The following NOTCH2 variants were observed in gnomAD, a reference collection of about 807,000 sequenced individuals.
The protein encoded by NOTCH2 is notch receptor 2.
NOTCH2 carries 29 observed loss-of-function variants against 235.8 expected under a neutral mutation model. The ratio of observed to expected loss-of-function variants is 0.12; its 90% CI spans 0.09 to 0.17. NOTCH2 has a LOEUF of 0.17. Among genes scored for constraint, NOTCH2 ranks in the 10% least tolerant of loss-of-function variants. The pLI is 1.00. For missense variants in NOTCH2, 2,285 were observed against 3,150.2 expected, an observed-to-expected ratio of 0.73 and a Z score of 6.57; for synonymous variants, 1,086 against 1,141.5, an observed-to-expected ratio of 0.95 and a Z score of 0.98.
At chr1:120,042,509 A>G (rs1654617575) in intron 1 of NOTCH2, among the ~76,000 whole-genome samples, 1 of 129,258 alleles carries the variant, frequency 7.7e-6, no homozygotes, top group Admixed American at 7.3e-5. Flanking sequence ...TGTCCTTCCC[A>G]TCATCACCTC....
chr1:119,975,375 T>C lies in NOTCH2; in HGVS notation c.875-5631A>G, dbSNP rs587661550. ...GATTATGGGCACAGTCAGCCAGGCG[T>C]GGTGGCTCACGCCTATAATTCCAGC... On this transcript the variant is annotated intron_variant, in intron 5 of 33. Transcript: ENST00000256646. Among the ~76,000 whole-genome samples, 41 of 152,260 alleles carry C rather than the reference T, an allele frequency of 2.7e-4. 2 individuals are homozygous for C. The East Asian group carries it at 7.9e-3, about 29-fold the overall frequency.
At chr1:120,025,750 G>A (rs1653814806) in intron 2 of NOTCH2, among the ~76,000 whole-genome samples, 1 of 93,212 alleles carries the variant, frequency 1.1e-5, no homozygotes, top group East Asian at 2.7e-4. Flanking sequence ...TACAATAAAT[G>A]TCCTTAAAAT....
chr1:119,968,921 C>G (rs1553200029), intron 6 of NOTCH2, among the ~76,000 whole-genome samples: 4 of 152,238 alleles, frequency 2.6e-5, no homozygotes, highest in Non-Finnish European at 5.9e-5. Context: ...CATTTCAAAA[C>G]TGCTGGGCAG....
rs1233590749 is a variant in NOTCH2, at chr1:119,922,297, G to A, written c.5152C>T (p.Arg1718Cys). Residue 1718 changes from arginine (R) to cysteine (C), a missense_variant, in exon 28 of 34, where the codon CGC (arginine) becomes TGC (cysteine). Around this residue, in one of 6 missense-constraint regions of NOTCH2, gnomAD observed 1,173 missense variants for 1,515.3 expected, o/e 0.77. Transcript: ENST00000256646. ...SLWLPEGFTL[R>C]RDASNHKRRE... ...CGCTTGTGATTGCTTGCATCTCGGC[G>A]AAGAGTGAAACCTTCAGGCAGCCAG... 3 of 1,614,036 alleles carry A rather than the reference G, an allele frequency of 1.9e-6. No homozygotes were observed. Among genetic ancestry groups the A allele is most frequent in the African/African-American group, 1.3e-5 (1 of 74,894 alleles).
chr1:119,952,773 T>G (rs1650531854), intron 14 of NOTCH2, among the ~76,000 whole-genome samples: 1 of 152,212 alleles, frequency 6.6e-6, no homozygotes, highest in Non-Finnish European at 1.5e-5. Flanking sequence ...GGACCTCCGG[T>G]GTAGACCAAA....
intron 5 of NOTCH2, among the ~76,000 whole-genome samples, chr1:119,973,622 G>A (rs1266614411): frequency 6.6e-6 from 1 of 152,062 alleles, no homozygotes; most frequent in Non-Finnish European, 1.5e-5. Context: ...TGATCCCAGG[G>A]TCTTACAGCA....
chr1:119,981,359 T>C (rs1423469868), intron 5 of NOTCH2, among the ~76,000 whole-genome samples: 3 of 152,224 alleles, frequency 2.0e-5, no homozygotes, highest in African/African-American at 7.2e-5. Flanking sequence ...GTCTTCCTAG[T>C]CAATTTTACC....
chr1:120,069,294 C>T (rs1294736060), intron 1 of NOTCH2, 40 bp downstream of exon 1: 2 of 1,535,376 alleles, frequency 1.3e-6, no homozygotes, highest in Non-Finnish European at 1.7e-6. Context: ...AGGTGGCAGC[C>T]CCGGGCGCCG....
At position 119,912,783 on chromosome 1, in the gene NOTCH2, C is replaced by G. The variant is rs587636027; in HGVS notation, c.*2523G>C. ...TCTTACCTTCCCTTTTATTAGATAC[C>G]ACACAATTCAAGAGTTCTTAAAATC... On this transcript the variant is annotated 3_prime_UTR_variant, in exon 34 of 34. Transcript: ENST00000256646. 7.3e-5 allele frequency: 17 copies of G among 233,490 alleles called. No individual in the cohort carries two copies. In the Admixed American group the frequency reaches 7.3e-4, roughly 10 times the overall value. 14.5% of individuals were successfully genotyped at this position (233,490 alleles called of 1,614,324 possible). A position where few individuals can be genotyped will look rare whatever the true frequency, so the allele number is the denominator to read the frequency against.
intron 10 of NOTCH2, among the ~76,000 whole-genome samples, chr1:119,965,033 T>G (rs1553199484): frequency 6.6e-6 from 1 of 152,236 alleles, no homozygotes; most frequent in Non-Finnish European, 1.5e-5. Context: ...AGAATACCCC[T>G]GCACTTGTAC....
intron 5 of NOTCH2, among the ~76,000 whole-genome samples, chr1:119,978,393 T>C (rs1179270336): frequency 2.0e-5 from 3 of 152,142 alleles, no homozygotes; most frequent in Non-Finnish European, 4.4e-5. Flanking sequence ...AAGAAATGAC[T>C]CGATCCAATG....
chr1:120,065,418 C>A (rs1447735390), intron 1 of NOTCH2, among the ~76,000 whole-genome samples: 1 of 152,068 alleles, frequency 6.6e-6, no homozygotes, highest in Non-Finnish European at 1.5e-5. Context: ...TCCTCATGTA[C>A]GCATTAACAA....
At chr1:119,972,474 C>T (rs1651403731) in intron 5 of NOTCH2, among the ~76,000 whole-genome samples, 1 of 152,182 alleles carries the variant, frequency 6.6e-6, no homozygotes, top group Non-Finnish European at 1.5e-5. Context: ...ATTTAGATGT[C>T]ATTTTTCTTT....
At chr1:120,010,974 C>G (rs1738677) in intron 2 of NOTCH2, among the ~76,000 whole-genome samples, 3 of 152,210 alleles carry the variant, frequency 2.0e-5, no homozygotes, top group African/African-American at 7.2e-5. Context: ...CTACAACATG[C>G]ATGAACCTTG....
chr1:120,062,963 A>T (rs1655364265), intron 1 of NOTCH2, among the ~76,000 whole-genome samples: 1 of 152,124 alleles, frequency 6.6e-6, no homozygotes, highest in South Asian at 2.1e-4. Context: ...GTTCTGCCAT[A>T]CAGATAATAT....
rs781789439 is a variant in NOTCH2 at position 119,950,800 on chromosome 1, T to C, written c.2403A>G (p.Ser801=). The change falls in exon 15 of 34, where the codon TCA becomes TCG. Residue 801 remains serine (S), a synonymous_variant. Coordinates refer to ENST00000256646, the MANE Select transcript of NOTCH2 (RefSeq NM_024408.4). ...NCQVNIDECA[S]NPCLNQGTCF... is the part of the protein sequence containing the mutation. Reference sequence around the variant, plus strand: ...AGGTTCCTTGGTTCAGGCATGGATTTGAGGCACATTCATCAATATTCACCT... The same window carrying C: ...AGGTTCCTTGGTTCAGGCATGGATTCGAGGCACATTCATCAATATTCACCT... 2 of 1,614,158 alleles carry C rather than the reference T, an allele frequency of 1.2e-6. No homozygotes were observed. The highest frequency in any genetic ancestry group is 2.2e-5 in the South Asian group (2 of 91,080).
At chr1:119,977,105 T>A (rs1553201065) in intron 5 of NOTCH2, among the ~76,000 whole-genome samples, 1 of 152,120 alleles carries the variant, frequency 6.6e-6, no homozygotes, top group Non-Finnish European at 1.5e-5. Flanking sequence ...GTTTACCTCA[T>A]CACTGAATCC....
chr1:120,033,594 T>G (rs1341307281), intron 1 of NOTCH2, among the ~76,000 whole-genome samples: 1 of 150,492 alleles, frequency 6.6e-6, no homozygotes, highest in Non-Finnish European at 1.5e-5. Context: ...TATGTAGAAT[T>G]GAAAACCATC....
At chr1:120,065,791 ATC>A (rs1383065243) in intron 1 of NOTCH2, among the ~76,000 whole-genome samples, 1 of 152,246 alleles carries the variant, frequency 6.6e-6, no homozygotes, top group African/African-American at 2.4e-5. Context: ...AAACAGGAAA[ATC>A]AGGAAAGGGT....
Sources: gnomAD v4.1 joint callset for allele counts (sites outside exome capture counted in the v4.1 genomes callset) on GRCh38, gnomAD v4.1.1 for gene constraint, gnomAD v4.1.1 regional missense constraint, MANE v1.5 for transcripts, NCBI Gene and HGNC (gene_info 2026-07-23, HGNC 2026-07-21) for gene names.